LOXL2: variants seen among roughly 807,000 people sequenced by gnomAD.
The protein encoded by LOXL2 is lysyl oxidase homolog 2.
Under a neutral mutation model 93.0 loss-of-function variants are expected in LOXL2, and 70 were observed. That is an observed-to-expected ratio of 0.75 (90% confidence interval 0.62 to 0.92). The LOEUF is 0.92. Among genes scored for constraint, LOXL2 ranks in the 40% least tolerant of loss-of-function variants. The probability of loss-of-function intolerance (pLI) is 0.00; values close to 1 mark genes in which losing one functional copy is unlikely to be tolerated. For synonymous variants in LOXL2, 438 were observed against 413.2 expected, an observed-to-expected ratio of 1.06 and a Z score of -0.73; for missense variants, 973 against 1,054.9, an observed-to-expected ratio of 0.92 and a Z score of 1.08.
intron 1 of LOXL2, chr8:23,402,664 G>A (rs558753049): frequency 6.6e-6 from 1 of 152,068 alleles, no homozygotes; most frequent in African/African-American, 2.4e-5. Flanking sequence ...GGGGTTCCAG[G>A]ACGGACAGGC....
chr8:23,366,200 T>C (rs17768448), intron 2 of LOXL2: 8,147 of 152,294 alleles, frequency 0.053, 268 homozygotes, highest in Middle Eastern at 0.14. Flanking sequence ...GAATCTGAGG[T>C]TACCCCTGGA....
chr8:23,298,188 G>T, intron 13 of LOXL2, 66 bp from the exon 14 acceptor site: 1 of 1,307,276 alleles, frequency 7.6e-7, no homozygotes, highest in Non-Finnish European at 1.1e-6. Context: ...CTGACCCTGA[G>T]CCAGGGGAGT....
chr8:23,340,735 G>A (rs987866580), intron 4 of LOXL2, among the ~76,000 whole-genome samples: 24 of 152,136 alleles, frequency 1.6e-4, no homozygotes, highest in Admixed American at 1.1e-3. Flanking sequence ...TCTGCAATAC[G>A]CCTTCCCACA....
chr8:23,402,026 G>A (rs372580370), intron 1 of LOXL2, among the ~76,000 whole-genome samples: 3 of 152,170 alleles, frequency 2.0e-5, no homozygotes, highest in African/African-American at 4.8e-5. Context: ...ATATACACAC[G>A]TGCACACATG....
intron 3 of LOXL2, among the ~76,000 whole-genome samples, chr8:23,352,564 C>T (rs1291671951): frequency 1.3e-5 from 2 of 152,170 alleles, no homozygotes; most frequent in African/African-American, 2.4e-5. Context: ...CTGCCGCCCC[C>T]AGACAGACAG....
chr8:23,299,078 T>C, intron 12 of LOXL2, 131 bp from the exon 13 acceptor site: 2 of 620,158 alleles, frequency 3.2e-6, no homozygotes, highest in Non-Finnish European at 5.9e-6. Context: ...GACGGGGGTC[T>C]GTGGGTCTCA....
At chr8:23,355,982 A>G (rs926911510) in intron 3 of LOXL2, among the ~76,000 whole-genome samples, 3 of 151,926 alleles carry the variant, frequency 2.0e-5, no homozygotes, top group African/African-American at 7.3e-5. Flanking sequence ...TTTTTTCCCC[A>G]TGAACTTTGA....
At chr8:23,317,478 CTCT>C (rs1803422307) in intron 8 of LOXL2, among the ~76,000 whole-genome samples, 1 of 152,242 alleles carries the variant, frequency 6.6e-6, no homozygotes, top group South Asian at 2.1e-4. Context: ...GCACTCTCTC[CTCT>C]AAGCCCGAAT....
chr8:23,340,509 G>T (rs1803865028), intron 4 of LOXL2, among the ~76,000 whole-genome samples: 2 of 152,226 alleles, frequency 1.3e-5, no homozygotes, highest in Admixed American at 6.5e-5. Context: ...TGGATGAAGT[G>T]AACTGCACGG....
Position 23,303,386 on chromosome 8 carries a change from C to T in LOXL2, c.1892G>A (p.Ser631Asn). ...IWHDCHRHYH[S>N]MEVFTHYDLL... Reference sequence around the variant, plus strand: ...GTCATAGTGGGTGAACACCTCCATGCTGTGGTAGTGCCTGGAGCGAGAGAG... The same window carrying T: ...GTCATAGTGGGTGAACACCTCCATGTTGTGGTAGTGCCTGGAGCGAGAGAG... Residue 631 changes from serine to asparagine, a missense_variant, in exon 11 of 14, where the codon AGC (serine) becomes AAC (asparagine). Physicochemically the swap from Ser to Asn is conservative, Grantham distance 46. Coordinates refer to ENST00000389131, the MANE Select transcript of LOXL2 (RefSeq NM_002318.3). The T allele has an allele frequency of 6.2e-6, 10 of 1,604,360 alleles. No homozygotes were observed. The highest frequency in any genetic ancestry group is 8.5e-6 in the Non-Finnish European group (10 of 1,171,442).
intron 1 of LOXL2, among the ~76,000 whole-genome samples, chr8:23,388,261 T>A (rs1456079712): frequency 6.6e-6 from 1 of 152,208 alleles, no homozygotes; most frequent in South Asian, 2.1e-4. Context: ...GGTAGTTCCT[T>A]CTGGATCCCG....
chr8:23,368,711 C>T (rs762126925), intron 1 of LOXL2, among the ~76,000 whole-genome samples: 15 of 152,134 alleles, frequency 9.9e-5, no homozygotes, highest in Middle Eastern at 3.2e-3. Flanking sequence ...TTTAAGACTA[C>T]GGACATGCCG....
intron 3 of LOXL2, among the ~76,000 whole-genome samples, chr8:23,355,342 CTTCAT>C (rs1168565606): frequency 6.6e-6 from 1 of 151,950 alleles, no homozygotes; most frequent in East Asian, 1.9e-4. Context: ...TGACAAAAAA[CTTCAT>C]TTCCTCATGA....
intron 1 of LOXL2, among the ~76,000 whole-genome samples, chr8:23,386,441 G>A (rs1054956836): frequency 2.6e-5 from 4 of 152,102 alleles, no homozygotes; most frequent in African/African-American, 7.2e-5. Flanking sequence ...TGTCTCTTAC[G>A]ATGTCTTAGA....
chr8:23,319,875 G>C lies in LOXL2; in HGVS notation c.1470+10C>G. On this transcript the variant is annotated intron_variant, in intron 8 of 13. Coordinates refer to ENST00000389131, the MANE Select transcript of LOXL2 (RefSeq NM_002318.3). ...GGGTGAATGCGGGGTCTGAGGCCGG[G>C]GCTTCTCACCTGGAAGGCGTTGCTG... 6 of 1,612,218 alleles carry C rather than the reference G, an allele frequency of 3.7e-6. No individual in the cohort carries two copies. Among genetic ancestry groups the C allele is most frequent in the Non-Finnish European group, 5.1e-6 (6 of 1,179,642 alleles).
At chr8:23,300,132 T>C (rs933202910) in intron 12 of LOXL2, among the ~76,000 whole-genome samples, 1 of 152,226 alleles carries the variant, frequency 6.6e-6, no homozygotes, top group Non-Finnish European at 1.5e-5. Context: ...GGCAGCTCCT[T>C]GGCCGCCCAG....
chr8:23,374,413 T>C (rs1342095602), intron 1 of LOXL2, among the ~76,000 whole-genome samples: 2 of 152,220 alleles, frequency 1.3e-5, no homozygotes, highest in Non-Finnish European at 2.9e-5. Flanking sequence ...TAAACATATG[T>C]GTGCATGCGC....
intron 1 of LOXL2, among the ~76,000 whole-genome samples, chr8:23,383,956 G>A (rs530487103): frequency 5.3e-5 from 8 of 152,236 alleles, no homozygotes; most frequent in South Asian, 2.1e-4. Context: ...CACCGTGCCC[G>A]GCCCGATGTG....
chr8:23,356,090 C>T (rs56288820), intron 3 of LOXL2, among the ~76,000 whole-genome samples: 3,357 of 152,264 alleles, frequency 0.022, 60 homozygotes, highest in Admixed American at 0.068. Context: ...ATTTTATACT[C>T]CAGCAATCTC....
Sources: gnomAD v4.1 joint callset for allele counts (sites outside exome capture counted in the v4.1 genomes callset) on GRCh38, gnomAD v4.1.1 for gene constraint, MANE v1.5 for transcripts, NCBI Gene and HGNC (gene_info 2026-07-23, HGNC 2026-07-21) for gene names.